Variants in TXNRD2 observed in about 807,000 individuals in gnomAD.
TXNRD2 encodes the protein thioredoxin reductase 2, also known as thioredoxin reductase 2, mitochondrial.
Under a neutral mutation model 70.8 loss-of-function variants are expected in TXNRD2, and 67 were observed. The observed-to-expected ratio is 0.95, with a 90% CI of 0.78 to 1.16. TXNRD2 has a LOEUF of 1.16. TXNRD2 is among the 50% of genes most tolerant of loss of function. The pLI is 0.00. For missense variants in TXNRD2, 644 were observed against 719.9 expected (o/e 0.89, Z 1.21); for synonymous variants, 301 against 295.8 (o/e 1.02, Z -0.18).
intron 2 of TXNRD2, among the ~76,000 whole-genome samples, chr22:19,926,696 G>C (rs2146077453): frequency 6.6e-6 from 1 of 151,994 alleles, no homozygotes; most frequent in South Asian, 2.1e-4. Context: ...TGGGAGAATT[G>C]CTTGAGCCCG....
intron 8 of TXNRD2, among the ~76,000 whole-genome samples, chr22:19,904,603 C>A (rs762605590): frequency 3.9e-5 from 6 of 152,226 alleles, no homozygotes; most frequent in Non-Finnish European, 7.3e-5. Flanking sequence ...CGGCAGTGGG[C>A]CCCACACAGA....
At chr22:19,909,575 C>CACA (rs1940234376) in intron 8 of TXNRD2, among the ~76,000 whole-genome samples, 1 of 121,576 alleles carries the variant, frequency 8.2e-6, no homozygotes, top group African/African-American at 3.4e-5. Context: ...CATACACACA[C>CACA]CACACACACA....
intron 8 of TXNRD2, among the ~76,000 whole-genome samples, chr22:19,900,173 C>T (rs1363385829): frequency 2.0e-5 from 3 of 152,184 alleles, no homozygotes; most frequent in Admixed American, 6.5e-5. Flanking sequence ...CTCTGTTGGC[C>T]GGCTGAGCAC....
chr22:19,895,495 G>T lies in TXNRD2; in HGVS notation c.861C>A (p.Leu287=). The change falls in exon 11 of 18, where the codon CTC becomes CTA. Residue 287 remains leucine (L), a synonymous_variant. Coordinates refer to ENST00000400521, the MANE Select transcript of TXNRD2 (RefSeq NM_006440.5). The stretch of plus-strand genomic sequence containing the variant: ...AGGTGACCTGCAGCTGGCCATCAGG[G>T]AGCCTCCTGACCCGCGAGGGGGCAC... ...RGCAPSRVRR[L]PDGQLQVTWE... is the part of the protein sequence containing the mutation. 6.2e-7 allele frequency: 1 copy of T among 1,613,952 alleles called. No homozygotes were observed. Among genetic ancestry groups the T allele is most frequent in the Non-Finnish European group, 8.5e-7 (1 of 1,180,034 alleles).
intron 11 of TXNRD2, among the ~76,000 whole-genome samples, chr22:19,890,039 A>T (rs372973061): frequency 1.3e-5 from 2 of 152,208 alleles, no homozygotes. Flanking sequence ...GGCTCTGGAC[A>T]TAAGTGTGAA....
At chr22:19,895,166 C>T in intron 11 of TXNRD2, 2 of 1,598,438 alleles carry the variant, frequency 1.3e-6, no homozygotes, top group Non-Finnish European at 1.7e-6. Flanking sequence ...CAGCATGTCC[C>T]ACGGTGGTGG....
intron 8 of TXNRD2, 126 bp from the exon 9 acceptor site, chr22:19,899,194 T>C (rs1156350483): frequency 2.4e-6 from 3 of 1,230,398 alleles, no homozygotes; most frequent in South Asian, 1.2e-5. Context: ...AGGTTACTGT[T>C]CAAACAGCTT....
At chr22:19,941,556 A>G (rs1053711487) in intron 1 of TXNRD2, 145 bp downstream of exon 1, 2 of 1,280,350 alleles carry the variant, frequency 1.6e-6, no homozygotes, top group African/African-American at 3.1e-5. Flanking sequence ...ACTCCTGAGC[A>G]AGACTAGACC....
chr22:19,888,218 C>A (rs992780279), intron 11 of TXNRD2, among the ~76,000 whole-genome samples: 1 of 152,158 alleles, frequency 6.6e-6, no homozygotes, highest in Non-Finnish European at 1.5e-5. Flanking sequence ...TAGGAACAGC[C>A]GTGCAGGGCA....
In TXNRD2 at chr22:19,877,068, C is replaced by T. The variant is rs373754590; in HGVS notation, c.*37G>A. 1.0e-5 allele frequency: 16 copies of T among 1,572,064 alleles called. No homozygotes were observed. Among genetic ancestry groups the T allele is most frequent in the South Asian group, 4.5e-5 (4 of 88,702 alleles). ...GGTCTGGCCTCCGAGGAGCTGGCGG[C>T]GGGCGCACCGTGTGCCCTGGCCTGC... On this transcript the variant is annotated 3_prime_UTR_variant, in exon 17 of 18. Coordinates refer to ENST00000400521, the MANE Select transcript of TXNRD2 (RefSeq NM_006440.5).
chr22:19,879,623 G>A (rs1236873021), intron 14 of TXNRD2, among the ~76,000 whole-genome samples: 1 of 151,566 alleles, frequency 6.6e-6, no homozygotes, highest in African/African-American at 2.4e-5. Flanking sequence ...GGTGGTGGGG[G>A]GGGTGGGGGT....
chr22:19,918,356 ACATCCATCCCTACGTGCAACCGCCTGTCC>A lies in TXNRD2; in HGVS notation c.375-168_375-140del, dbSNP rs1940732610. The A allele has an allele frequency of 7.7e-6, 6 of 780,586 alleles. No individual in the cohort carries two copies. In the South Asian group the frequency reaches 9.6e-5, roughly 12 times the overall value. 48.4% of individuals were successfully genotyped at this position (780,586 alleles called of 1,614,324 possible). ...GTGCTTTTAAAGGTGGCAAAACGTG[ACATCCATCCCTACGTGCAACCGCCTGTCC>A]CAGGCTCAGGGCTGCAGACCTTTGG... On this transcript the variant is annotated intron_variant, in intron 4 of 17. Transcript: ENST00000400521.
chr22:19,911,385 A>G lies in TXNRD2; in HGVS notation c.654T>C (p.Pro218=). The G allele has an allele frequency of 1.9e-6, 3 of 1,613,850 alleles. No individual in the cohort carries two copies. Among genetic ancestry groups the G allele is most frequent in the Non-Finnish European group, 2.5e-6 (3 of 1,179,764 alleles). Residue 218 remains proline (P), a synonymous_variant, in exon 8 of 18, where the codon CCT becomes CCC. Coordinates refer to ENST00000400521, the MANE Select transcript of TXNRD2 (RefSeq NM_006440.5). ...GCACGCGCAGGCCTTACGTTTTTCC[A>G]GGGGATTCCTTCAGCCAGAAGATGT... ...SDDIFWLKES[P]GKTLVVGASY... is the part of the protein sequence containing the mutation.
In TXNRD2 at chr22:19,877,039, C is replaced by T; in HGVS notation, c.*65+1G>A. ...AAACAGAGCCAGCCCCACCTGCATACCTGGGTCTGGCCTCCGAGGAGCTGG... is the reference window on the plus strand; with the variant it reads ...AAACAGAGCCAGCCCCACCTGCATATCTGGGTCTGGCCTCCGAGGAGCTGG... On this transcript the variant is annotated splice_donor_variant, in intron 17 of 17. Transcript: ENST00000400521. LOFTEE classifies it low-confidence loss of function (3UTR_SPLICE). 1.3e-6 allele frequency: 2 copies of T among 1,543,908 alleles called. No homozygotes were observed. The highest frequency in any genetic ancestry group is 2.0e-4 in the Middle Eastern group (1 of 5,084).
At chr22:19,899,568 C>A (rs1321898295) in intron 8 of TXNRD2, among the ~76,000 whole-genome samples, 1 of 152,242 alleles carries the variant, frequency 6.6e-6, no homozygotes, top group Non-Finnish European at 1.5e-5. Context: ...GGGCCAGCTC[C>A]CCAGAGAGGG....
intron 6 of TXNRD2, 78 bp downstream of exon 6, chr22:19,915,687 G>T: frequency 7.4e-7 from 1 of 1,353,300 alleles, no homozygotes; most frequent in Non-Finnish European, 1.1e-6. Flanking sequence ...CAGCACCCAG[G>T]CCAAACACAG....
At chr22:19,932,422 G>A (rs1240986923) in intron 1 of TXNRD2, 17 of 1,612,394 alleles carry the variant, frequency 1.1e-5, no homozygotes, top group Admixed American at 1.7e-5. Flanking sequence ...TGCAAAAGGT[G>A]TCATCGTGTC....
intron 8 of TXNRD2, among the ~76,000 whole-genome samples, chr22:19,910,521 C>A (rs765616844): frequency 2.0e-5 from 3 of 152,184 alleles, no homozygotes; most frequent in Non-Finnish European, 4.4e-5. Flanking sequence ...CAGCTGACTC[C>A]ATTTATATGG....
Position 19,898,134 on chromosome 22 carries a change from T to C in TXNRD2, c.683-4A>G. On this transcript the variant is annotated splice_polypyrimidine_tract_variant and splice_region_variant and intron_variant, in intron 9 of 17. Coordinates refer to ENST00000400521, the MANE Select transcript of TXNRD2 (RefSeq NM_006440.5). Reference sequence around the variant, plus strand: ...CCAGCACACTCCAGGGCCACATCTGTGGGGTGCCAGCTAAGGAGCACTGTA... The same window carrying C: ...CCAGCACACTCCAGGGCCACATCTGCGGGGTGCCAGCTAAGGAGCACTGTA... The C allele has an allele frequency of 6.4e-7, 1 of 1,558,078 alleles. No individual in the cohort carries two copies. The highest frequency in any genetic ancestry group is 8.7e-7 in the Non-Finnish European group (1 of 1,151,062).
Sources: allele counts gnomAD v4.1 joint callset (sites outside exome capture counted in the v4.1 genomes callset), GRCh38; gene constraint gnomAD v4.1.1; transcripts MANE v1.5; gene names NCBI Gene and HGNC (gene_info 2026-07-23, HGNC 2026-07-21).